Variants in CADM2 observed in about 807,000 individuals in gnomAD.
The protein encoded by CADM2 is cell adhesion molecule 2.
In CADM2, 12 loss-of-function variants were observed where a neutral mutation model predicts 49.8. The ratio of observed to expected loss-of-function variants is 0.24; its 90% CI spans 0.15 to 0.39. The LOEUF is 0.39. Ranked by LOEUF, CADM2 falls within the 10% of genes least tolerant of loss-of-function variation. The pLI is 1.00. For missense variants in CADM2, 378 were observed against 492.3 expected (o/e 0.77, Z 2.20); for synonymous variants, 214 against 175.4 (o/e 1.22, Z -1.74).
chr3:86,003,198 A>G (rs1031860088), intron 8 of CADM2, among the ~76,000 whole-genome samples: 1 of 152,168 alleles, frequency 6.6e-6, no homozygotes, highest in Admixed American at 6.5e-5. Context: ...CATTATAAAT[A>G]CTAGGATTTC....
chr3:86,027,695 A>T (rs1309572975), intron 8 of CADM2, among the ~76,000 whole-genome samples: 1 of 152,176 alleles, frequency 6.6e-6, no homozygotes, highest in Non-Finnish European at 1.5e-5. Flanking sequence ...TAAATGTAGA[A>T]TAGAAATATA....
At chr3:85,144,726 A>G (rs1460717763) in intron 1 of CADM2, among the ~76,000 whole-genome samples, 2 of 152,182 alleles carry the variant, frequency 1.3e-5, no homozygotes, top group Non-Finnish European at 2.9e-5. Context: ...GTTTTGCTTG[A>G]AAAGGAGTTC....
intron 1 of CADM2, among the ~76,000 whole-genome samples, chr3:85,614,296 C>A (rs1405201414): frequency 6.6e-6 from 1 of 151,460 alleles, no homozygotes. Flanking sequence ...AATGGCATTA[C>A]AGAAGACCTT....
chr3:85,302,150 C>T (rs2044116543), intron 1 of CADM2, among the ~76,000 whole-genome samples: 1 of 151,976 alleles, frequency 6.6e-6, no homozygotes, highest in Non-Finnish European at 1.5e-5. Context: ...CCTCTATGTT[C>T]CAATCAATTT....
intron 1 of CADM2, among the ~76,000 whole-genome samples, chr3:85,217,912 T>G (rs1479960508): frequency 6.6e-6 from 1 of 152,128 alleles, no homozygotes; most frequent in African/African-American, 2.4e-5. Flanking sequence ...TAAATAATTT[T>G]AACATAATGG....
chr3:85,269,334 G>A (rs895397995), intron 1 of CADM2, among the ~76,000 whole-genome samples: 18 of 151,220 alleles, frequency 1.2e-4, no homozygotes, highest in African/African-American at 3.4e-4. Context: ...TTGAGAATTC[G>A]CTATTTTTTT....
chr3:85,997,633 A>T (rs1019778147), intron 8 of CADM2, among the ~76,000 whole-genome samples: 1 of 152,192 alleles, frequency 6.6e-6, no homozygotes, highest in African/African-American at 2.4e-5. Flanking sequence ...TTTAGATTTC[A>T]TTGGGATACT....
At chr3:85,959,589 A>C (rs1161687507) in intron 7 of CADM2, among the ~76,000 whole-genome samples, 1 of 151,852 alleles carries the variant, frequency 6.6e-6, no homozygotes, top group Non-Finnish European at 1.5e-5. Flanking sequence ...AGAGTCTACT[A>C]TCACTCAGGA....
intron 1 of CADM2, among the ~76,000 whole-genome samples, chr3:85,119,337 T>C (rs1291809444): frequency 1.3e-5 from 2 of 152,158 alleles, no homozygotes; most frequent in Non-Finnish European, 2.9e-5. Context: ...GAAACCTTTG[T>C]TCTGTTCCAC....
At chr3:85,335,181 A>T (rs932175723) in intron 1 of CADM2, among the ~76,000 whole-genome samples, 2 of 151,610 alleles carry the variant, frequency 1.3e-5, no homozygotes, top group African/African-American at 4.8e-5. Context: ...TTCATTTTCT[A>T]TTGATGTCTC....
At chr3:84,989,471 ACT>A (rs1303038536) in intron 1 of CADM2, among the ~76,000 whole-genome samples, 6 of 150,124 alleles carry the variant, frequency 4.0e-5, no homozygotes, top group South Asian at 2.1e-4. Context: ...TAATGAGCAA[ACT>A]CTCTCTCTTG....
intron 1 of CADM2, among the ~76,000 whole-genome samples, chr3:85,153,169 G>A (rs969179174): frequency 8.5e-5 from 13 of 152,242 alleles, no homozygotes; most frequent in Non-Finnish European, 1.8e-4. Context: ...TTCCATCAGA[G>A]GTACCGGGTT....
intron 1 of CADM2, among the ~76,000 whole-genome samples, chr3:85,309,107 C>T (rs1160451083): frequency 1.3e-5 from 2 of 151,934 alleles, no homozygotes; most frequent in South Asian, 2.1e-4. Flanking sequence ...CAAAGTTACA[C>T]GTGCCATAAT....
chr3:85,499,703 G>A (rs1383061452), intron 1 of CADM2, among the ~76,000 whole-genome samples: 1 of 151,956 alleles, frequency 6.6e-6, no homozygotes, highest in Non-Finnish European at 1.5e-5. Context: ...AGAAAGTAAG[G>A]TGTTTCTATT....
intron 3 of CADM2, among the ~76,000 whole-genome samples, chr3:85,842,507 T>A (rs1188338943): frequency 2.6e-5 from 4 of 152,126 alleles, no homozygotes; most frequent in African/African-American, 9.6e-5. Flanking sequence ...ACTTATCTTC[T>A]TGGGCCAATT....
At chr3:85,797,263 A>AT (rs562377086) in intron 2 of CADM2, among the ~76,000 whole-genome samples, 31 of 150,212 alleles carry the variant, frequency 2.1e-4, no homozygotes, top group African/African-American at 2.4e-4. Flanking sequence ...GAACTTTATA[A>AT]TTTTTTTTTT....
intron 1 of CADM2, among the ~76,000 whole-genome samples, chr3:85,311,380 TTATTA>T (rs2044338628): frequency 6.7e-6 from 1 of 149,238 alleles, no homozygotes; most frequent in East Asian, 1.9e-4. Flanking sequence ...ATTATTATTA[TTATTA>T]TTTTTTTTGA....
intron 3 of CADM2, among the ~76,000 whole-genome samples, chr3:85,812,742 C>T (rs2072956993): frequency 6.6e-6 from 1 of 151,982 alleles, no homozygotes. Flanking sequence ...ATGTTCCCCT[C>T]CCTGTGTCCA....
At chr3:85,762,594 CCTCTCTCT>C (rs758842388) in intron 2 of CADM2, among the ~76,000 whole-genome samples, 5 of 50,414 alleles carry the variant, frequency 9.9e-5, no homozygotes, top group Non-Finnish European at 1.4e-4. Context: ...CTGCACTACT[CCTCTCTCT>C]CTCTCTCTCT....
Sources: allele counts gnomAD v4.1 joint callset (sites outside exome capture counted in the v4.1 genomes callset), GRCh38; gene constraint gnomAD v4.1.1; transcripts MANE v1.5; gene names NCBI Gene and HGNC (gene_info 2026-07-23, HGNC 2026-07-21).